The following WWOX variants were observed in gnomAD, a reference collection of about 807,000 sequenced individuals.
WWOX encodes the protein WW domain containing oxidoreductase.
In WWOX, 69 loss-of-function variants were observed where a neutral mutation model predicts 46.2. The observed-to-expected ratio is 1.49, with a 90% CI of 1.23 to 1.82. The LOEUF is 1.82. Ranked by LOEUF, WWOX falls within the 40% of genes most tolerant of loss-of-function variation. The probability of loss-of-function intolerance (pLI) is 0.00; values close to 1 mark genes in which losing one functional copy is unlikely to be tolerated. For missense variants in WWOX, 919 were observed against 542.6 expected, an observed-to-expected ratio of 1.69 and a Z score of -6.89; for synonymous variants, 359 against 202.6, an observed-to-expected ratio of 1.77 and a Z score of -6.56.
chr16:78,328,936 A>C (rs569055049), intron 5 of WWOX, among the ~76,000 whole-genome samples: 1 of 151,726 alleles, frequency 6.6e-6, no homozygotes, highest in South Asian at 2.1e-4. Flanking sequence ...ATCTCAGCTC[A>C]CTGCAGCCTC....
intron 8 of WWOX, among the ~76,000 whole-genome samples, chr16:78,678,155 C>T (rs1440788051): frequency 1.3e-5 from 2 of 152,182 alleles, no homozygotes; most frequent in South Asian, 2.1e-4. Flanking sequence ...GCCTTGGTCT[C>T]TCCTGGGTCC....
At position 79,074,798 on chromosome 16, in the gene WWOX, A is replaced by T. The variant is rs563432352; in HGVS notation, c.1057-136810A>T. Among the ~76,000 whole-genome samples, 4 of 152,278 alleles carry T rather than the reference A, an allele frequency of 2.6e-5. No homozygotes were observed. The East Asian group carries it at 7.7e-4, about 29-fold the overall frequency. On this transcript the variant is annotated intron_variant, in intron 8 of 8. Coordinates refer to ENST00000566780, the MANE Select transcript of WWOX (RefSeq NM_016373.4). Reference sequence around the variant, plus strand: ...AAGTTATTTGCAAAATCAAATGCTGATGTAACCATTTCCATTCTGAACTCA... The same window carrying T: ...AAGTTATTTGCAAAATCAAATGCTGTTGTAACCATTTCCATTCTGAACTCA...
In WWOX at chr16:78,814,721, C is replaced by G. The variant is rs145698649; in HGVS notation, c.1056+381969C>G. On this transcript the variant is annotated intron_variant, in intron 8 of 8. Coordinates refer to ENST00000566780, the MANE Select transcript of WWOX (RefSeq NM_016373.4). ...ATCAGGTATTTTGGGGGAAAAAGTTCTGCCTTCATGTAACAACTAATGTGA... is the reference window on the plus strand; with the variant it reads ...ATCAGGTATTTTGGGGGAAAAAGTTGTGCCTTCATGTAACAACTAATGTGA... 1.0e-3 allele frequency among the ~76,000 whole-genome samples: 153 copies of G among 152,318 alleles called. 1 individual carries two copies. The highest frequency in any genetic ancestry group is 3.5e-3 in the African/African-American group (144 of 41,570).
chr16:78,863,433 A>G (rs1361362604), intron 8 of WWOX, among the ~76,000 whole-genome samples: 1 of 152,184 alleles, frequency 6.6e-6, no homozygotes, highest in Admixed American at 6.5e-5. Context: ...ATGCAGCATT[A>G]TATTCCATTT....
At chr16:78,570,890 G>T (rs1356937435) in intron 8 of WWOX, among the ~76,000 whole-genome samples, 1 of 152,226 alleles carries the variant, frequency 6.6e-6, no homozygotes, top group African/African-American at 2.4e-5. Flanking sequence ...GGGTTTCAAA[G>T]GTGAGAAGGA....
intron 8 of WWOX, among the ~76,000 whole-genome samples, chr16:78,808,597 C>T (rs1464000682): frequency 6.6e-6 from 1 of 152,178 alleles, no homozygotes; most frequent in Non-Finnish European, 1.5e-5. Flanking sequence ...GTAGAGGCCT[C>T]TTCCTCACTG....
chr16:78,789,482 C>G (rs959532402), intron 8 of WWOX, among the ~76,000 whole-genome samples: 2 of 152,120 alleles, frequency 1.3e-5, no homozygotes, highest in Non-Finnish European at 2.9e-5. Context: ...TCTTTCTGGA[C>G]TCTGAATTAT....
At chr16:78,615,791 C>T (rs1295884916) in intron 8 of WWOX, among the ~76,000 whole-genome samples, 1 of 150,600 alleles carries the variant, frequency 6.6e-6, no homozygotes, top group Non-Finnish European at 1.5e-5. Context: ...CACTCTGTTG[C>T]CCAGGCTGGA....
intron 5 of WWOX, among the ~76,000 whole-genome samples, chr16:78,185,546 T>C (rs2035670679): frequency 1.3e-5 from 2 of 152,096 alleles, no homozygotes; most frequent in South Asian, 4.2e-4. Context: ...GAGCTTTAGA[T>C]ATATTACTTC....
chr16:78,166,084 C>G (rs939499018), intron 5 of WWOX, among the ~76,000 whole-genome samples: 7 of 152,034 alleles, frequency 4.6e-5, no homozygotes, highest in Middle Eastern at 6.8e-3. Flanking sequence ...CTTGGTCCTT[C>G]TCTTGGAAGA....
intron 8 of WWOX, among the ~76,000 whole-genome samples, chr16:78,466,341 A>C (rs550012901): frequency 6.6e-6 from 1 of 152,266 alleles, no homozygotes; most frequent in African/African-American, 2.4e-5. Context: ...ATTGGGTACA[A>C]GTTTCCTTTG....
intron 8 of WWOX, among the ~76,000 whole-genome samples, chr16:78,460,544 C>T (rs59631093): frequency 0.016 from 2,443 of 152,262 alleles, 69 homozygotes; most frequent in African/African-American, 0.054. Context: ...GATACCAACA[C>T]CATACTAGCT....
intron 8 of WWOX, among the ~76,000 whole-genome samples, chr16:78,577,647 C>T (rs1054664166): frequency 2.0e-5 from 3 of 152,210 alleles, no homozygotes; most frequent in African/African-American, 7.2e-5. Context: ...TGATTACATA[C>T]ATTCATCATT....
intron 6 of WWOX, among the ~76,000 whole-genome samples, chr16:78,419,989 C>G: frequency 6.6e-6 from 1 of 151,962 alleles, no homozygotes; most frequent in African/African-American, 2.4e-5. Context: ...AGATATTCCT[C>G]CAAATATGAT....
intron 8 of WWOX, among the ~76,000 whole-genome samples, chr16:79,165,270 T>C (rs1567592738): frequency 1.3e-5 from 2 of 152,132 alleles, no homozygotes; most frequent in African/African-American, 4.8e-5. Flanking sequence ...ACCTTGCCAT[T>C]GCGGAGGTCA....
At chr16:78,763,834 G>C (rs1157339469) in intron 8 of WWOX, among the ~76,000 whole-genome samples, 1 of 152,154 alleles carries the variant, frequency 6.6e-6, no homozygotes, top group African/African-American at 2.4e-5. Flanking sequence ...AGTAGAGCTG[G>C]CTCTCCTCTT....
At chr16:79,169,141 C>T (rs2050651742) in intron 8 of WWOX, among the ~76,000 whole-genome samples, 2 of 152,166 alleles carry the variant, frequency 1.3e-5, no homozygotes. Flanking sequence ...AAATTTGGCC[C>T]ATGGTAGAGA....
intron 6 of WWOX, among the ~76,000 whole-genome samples, chr16:78,401,892 G>A (rs978923186): frequency 1.3e-5 from 2 of 151,960 alleles, no homozygotes; most frequent in Non-Finnish European, 2.9e-5. Flanking sequence ...TAGACACGGG[G>A]TTTCACCATG....
intron 8 of WWOX, among the ~76,000 whole-genome samples, chr16:78,760,659 A>G (rs941393575): frequency 6.6e-6 from 1 of 152,286 alleles, no homozygotes; most frequent in Middle Eastern, 3.4e-3. Flanking sequence ...TCCTACAGTC[A>G]GCATCAGACG....
Sources: allele counts gnomAD v4.1 joint callset (sites outside exome capture counted in the v4.1 genomes callset), GRCh38; gene constraint gnomAD v4.1.1; transcripts MANE v1.5; gene names NCBI Gene and HGNC (gene_info 2026-07-23, HGNC 2026-07-21).